The following CALN1 variants were observed in gnomAD, a reference collection of about 807,000 sequenced individuals.
The protein encoded by CALN1 is calneuron 1.
In CALN1, 17 loss-of-function variants were observed where a neutral mutation model predicts 30.6. That is an observed-to-expected ratio of 0.56 (90% CI 0.38 to 0.83). The LOEUF (loss-of-function observed/expected upper bound fraction) is 0.83. Among genes scored for constraint, CALN1 ranks in the 40% least tolerant of loss-of-function variants. The pLI is 0.00. For synonymous variants in CALN1, 156 were observed against 131.4 expected, an observed-to-expected ratio of 1.19 and a Z score of -1.28; for missense variants, 291 against 354.9, an observed-to-expected ratio of 0.82 and a Z score of 1.45.
intron 2 of CALN1, among the ~76,000 whole-genome samples, chr7:72,353,488 T>G (rs1803056912): frequency 6.6e-6 from 1 of 152,166 alleles, no homozygotes; most frequent in South Asian, 2.1e-4. Context: ...ACAATCATCC[T>G]AATGCATTCA....
intron 5 of CALN1, among the ~76,000 whole-genome samples, chr7:71,875,844 T>C (rs1792212983): frequency 6.6e-6 from 1 of 152,216 alleles, no homozygotes; most frequent in Admixed American, 6.5e-5. Context: ...AAGTGGTCTG[T>C]TGGCACTTTT....
chr7:72,061,226 C>T (rs185623907), intron 4 of CALN1, among the ~76,000 whole-genome samples: 16 of 152,178 alleles, frequency 1.1e-4, no homozygotes, highest in South Asian at 4.2e-4. Context: ...AATGTCCAGA[C>T]GATAATACAA....
Position 72,009,898 on chromosome 7 carries a change from A to G in CALN1, c.501+13759T>C, listed in dbSNP as rs143794475. On this transcript the variant is annotated intron_variant, in intron 5 of 6. Transcript: ENST00000395275. ...CTTTATAAATTACCCAGTCTCGGGT[A>G]TGTCTTTATCAGCAGCATGAAAACA... 3.1e-3 allele frequency among the ~76,000 whole-genome samples: 478 copies of G among 152,340 alleles called. 1 individual carries two copies. The highest frequency in any genetic ancestry group is 0.01 in the African/African-American group (434 of 41,584).
At chr7:72,386,029 G>C (rs910819574) in intron 2 of CALN1, among the ~76,000 whole-genome samples, 2 of 152,156 alleles carry the variant, frequency 1.3e-5, no homozygotes, top group Admixed American at 6.6e-5. Context: ...AGTTTGAAAA[G>C]GCTACCTACT....
intron 3 of CALN1, among the ~76,000 whole-genome samples, chr7:72,120,471 C>T (rs1033220099): frequency 3.3e-5 from 5 of 152,074 alleles, no homozygotes; most frequent in African/African-American, 1.2e-4. Context: ...TTAGATAATT[C>T]CCAATTTTAC....
chr7:71,986,970 T>C (rs1275381362), intron 5 of CALN1, among the ~76,000 whole-genome samples: 1 of 151,792 alleles, frequency 6.6e-6, no homozygotes, highest in African/African-American at 2.4e-5. Context: ...TCTATTAAAA[T>C]TACAAAAATT....
intron 5 of CALN1, among the ~76,000 whole-genome samples, chr7:71,924,828 C>CA (rs1295941984): frequency 1.6e-4 from 24 of 152,094 alleles, no homozygotes; most frequent in Non-Finnish European, 3.4e-4. Context: ...ACATGTGCTA[C>CA]AAATACATTA....
At chr7:72,101,623 G>C (rs142537731) in intron 4 of CALN1, among the ~76,000 whole-genome samples, 236 of 152,270 alleles carry the variant, frequency 1.5e-3, no homozygotes, top group African/African-American at 5.3e-3. Context: ...GTTGGCCCTA[G>C]GGTCCATTCA....
At chr7:72,243,501 A>C (rs1024113783) in intron 3 of CALN1, among the ~76,000 whole-genome samples, 7 of 152,160 alleles carry the variant, frequency 4.6e-5, no homozygotes, top group African/African-American at 1.7e-4. Context: ...TGACCTAGCA[A>C]ACCTTAGCTG....
chr7:72,249,372 T>C (rs1243080402), intron 3 of CALN1, among the ~76,000 whole-genome samples: 1 of 152,112 alleles, frequency 6.6e-6, no homozygotes, highest in Admixed American at 6.5e-5. Context: ...CTCTCCTGTG[T>C]GAGGTCAAGA....
chr7:71,848,144 T>G (rs1326021691), intron 5 of CALN1, among the ~76,000 whole-genome samples: 1 of 152,174 alleles, frequency 6.6e-6, no homozygotes, highest in Non-Finnish European at 1.5e-5. Context: ...GAAAGCACCC[T>G]GGGAGAATGG....
chr7:72,032,040 C>G (rs757761462), intron 4 of CALN1, among the ~76,000 whole-genome samples: 115 of 146,332 alleles, frequency 7.9e-4, no homozygotes, highest in Non-Finnish European at 1.6e-3. Context: ...AGCCACCACA[C>G]CTGGCTCCTG....
chr7:72,465,773 GT>G, the CALN1 span, among the ~76,000 whole-genome samples: 2 of 152,214 alleles, frequency 1.3e-5, no homozygotes, highest in Non-Finnish European at 2.9e-5. Flanking sequence ...TGTTAAAACA[GT>G]TTGGAATGAT....
chr7:71,985,109 A>C (rs1454056317), intron 5 of CALN1, among the ~76,000 whole-genome samples: 1 of 152,038 alleles, frequency 6.6e-6, no homozygotes, highest in Non-Finnish European at 1.5e-5. Flanking sequence ...CACACCACCA[A>C]ATTGAAAAAC....
chr7:72,262,692 T>C (rs1195143683), intron 3 of CALN1, among the ~76,000 whole-genome samples: 3 of 152,220 alleles, frequency 2.0e-5, no homozygotes, highest in Non-Finnish European at 4.4e-5. Flanking sequence ...TTTCACTTTT[T>C]ATGGCTGCAC....
At chr7:72,220,054 A>G (rs1447266010) in intron 3 of CALN1, among the ~76,000 whole-genome samples, 1 of 151,472 alleles carries the variant, frequency 6.6e-6, no homozygotes, top group African/African-American at 2.4e-5. Context: ...TTTTATTATT[A>G]TTATACTTTA....
intron 6 of CALN1, among the ~76,000 whole-genome samples, chr7:71,789,154 T>C (rs1474320063): frequency 6.6e-6 from 1 of 151,574 alleles, no homozygotes; most frequent in Non-Finnish European, 1.5e-5. Flanking sequence ...GTGGCTCTCA[T>C]GCCTGTAATC....
chr7:71,896,862 A>C (rs943328539), intron 5 of CALN1, among the ~76,000 whole-genome samples: 1 of 152,140 alleles, frequency 6.6e-6, no homozygotes, highest in Non-Finnish European at 1.5e-5. Context: ...CAAACAGAGG[A>C]GAATGGCGAG....
At chr7:71,868,486 C>T (rs1584408137) in intron 5 of CALN1, among the ~76,000 whole-genome samples, 1 of 151,832 alleles carries the variant, frequency 6.6e-6, no homozygotes, top group South Asian at 2.1e-4. Context: ...ATTCTCCTAC[C>T]TCTGCCTCCT....
Sources: gnomAD v4.1 joint callset for allele counts (sites outside exome capture counted in the v4.1 genomes callset) on GRCh38, gnomAD v4.1.1 for gene constraint, MANE v1.5 for transcripts, NCBI Gene and HGNC (gene_info 2026-07-23, HGNC 2026-07-21) for gene names.